The following RAD9A variants were observed in gnomAD, a reference collection of about 807,000 sequenced individuals.
RAD9A encodes RAD9 checkpoint clamp component A.
RAD9A carries 25 observed loss-of-function variants against 41.2 expected under a neutral mutation model. That is an observed-to-expected ratio of 0.61 (90% confidence interval 0.44 to 0.85). RAD9A has a LOEUF of 0.85. Among genes scored for constraint, RAD9A ranks in the 40% least tolerant of loss-of-function variants. The probability of loss-of-function intolerance (pLI) is 0.00; values close to 1 mark genes in which losing one functional copy is unlikely to be tolerated. For missense variants in RAD9A, 514 were observed against 518.3 expected, an observed-to-expected ratio of 0.99 and a Z score of 0.08; for synonymous variants, 252 against 210.6, an observed-to-expected ratio of 1.20 and a Z score of -1.70.
At chr11:67,392,978 A>C (rs1862574098) in intron 3 of RAD9A, 196 bp downstream of exon 3, 11 of 834,240 alleles carry the variant, frequency 1.3e-5, no homozygotes, top group Non-Finnish European at 1.8e-5. Flanking sequence ...CAAGTTCGTC[A>C]AGAAAGGTAA....
rs375926972 is a variant in RAD9A, at chr11:67,393,790, G to A, written c.449G>A (p.Arg150Gln). 20 of 1,600,778 alleles carry A rather than the reference G, an allele frequency of 1.2e-5. No individual in the cohort carries two copies. The South Asian group carries it at 1.7e-4, about 13-fold the overall frequency. The part of the protein sequence containing the change: ...SCPHMLRAPA[R>Q]VLGEAVLPFS... ...CCCCACATGCTCCGCGCCCCAGCACGGTGAGCACACCCCTGCCCTCAGCTC... is the reference window on the plus strand; with the variant it reads ...CCCCACATGCTCCGCGCCCCAGCACAGTGAGCACACCCCTGCCCTCAGCTC... The change falls in exon 5 of 11, where the codon CGG becomes CAG. Residue 150 changes from arginine to glutamine, a missense_variant and splice_region_variant. Arg to Gln is a conservative substitution (Grantham distance 43, BLOSUM62 1). Coordinates refer to ENST00000307980, the MANE Select transcript of RAD9A (RefSeq NM_004584.3).
intron 5 of RAD9A, among the ~76,000 whole-genome samples, chr11:67,394,188 C>T (rs1446003773): frequency 6.6e-6 from 1 of 152,232 alleles, no homozygotes; most frequent in African/African-American, 2.4e-5. Flanking sequence ...GCTCAGACCC[C>T]TTCTCCGGCC....
intron 5 of RAD9A, among the ~76,000 whole-genome samples, chr11:67,394,657 C>T (rs1311430759): frequency 2.0e-5 from 3 of 149,876 alleles, no homozygotes; most frequent in South Asian, 4.2e-4. Context: ...GAGTTTCGCT[C>T]TTGTTGCCCA....
rs763204036 is a variant in RAD9A at position 67,392,053 on chromosome 11, C to G, written c.9C>G (p.Cys3Trp). ...CGGAGCGCTGGGGCAGCATGAAGTG[C>G]CTGGTCACGGGCGGCAACGTGAAGG... Reference protein sequence around the residue: MKCLVTGGNVKVL... With the variant: MKWLVTGGNVKVL... Residue 3 changes from cysteine (C) to tryptophan (W), a missense_variant, in exon 1 of 11, where the codon TGC becomes TGG. Coordinates refer to ENST00000307980, the MANE Select transcript of RAD9A (RefSeq NM_004584.3). 4 of 1,578,200 alleles carry G rather than the reference C, an allele frequency of 2.5e-6. No individual in the cohort carries two copies. Among genetic ancestry groups the G allele is most frequent in the Non-Finnish European group, 3.4e-6 (4 of 1,164,152 alleles).
At position 67,397,772 on chromosome 11, in the gene RAD9A, A is replaced by G. The variant is rs1300621845; in HGVS notation, c.*213A>G. On this transcript the variant is annotated 3_prime_UTR_variant, in exon 11 of 11. Coordinates refer to ENST00000307980, the MANE Select transcript of RAD9A (RefSeq NM_004584.3). ...GTTATCTCCCCACAACCCCCAGCCA[A>G]TCAGGACTTTCCAGACTTGGCCCTG... 1 of 570,402 alleles carries G rather than the reference A, an allele frequency of 1.8e-6. No individual in the cohort carries two copies. The highest frequency in any genetic ancestry group is 3.1e-6 in the Non-Finnish European group (1 of 322,100). 35.3% of individuals were successfully genotyped at this position (570,402 alleles called of 1,614,324 possible). A position where few individuals can be genotyped will look rare whatever the true frequency, so the allele number is the denominator to read the frequency against.
rs768924500 is a variant in RAD9A, at chr11:67,392,244, G to A, written c.105+13G>A. On this transcript the variant is annotated intron_variant, in intron 2 of 10. Coordinates refer to ENST00000307980, the MANE Select transcript of RAD9A (RefSeq NM_004584.3). ...CTTGGAGGACGGGGTGAGGGGCTAG[G>A]GTGTGGGGGGCGGGTGGGACTCCAG... 4 of 1,551,638 alleles carry A rather than the reference G, an allele frequency of 2.6e-6. No homozygotes were observed. Among genetic ancestry groups the A allele is most frequent in the Non-Finnish European group, 3.5e-6 (4 of 1,134,060 alleles).
intron 5 of RAD9A, 62 bp downstream of exon 5, chr11:67,393,852 AG>A (rs1862607542): frequency 1.5e-5 from 21 of 1,366,168 alleles, no homozygotes; most frequent in Non-Finnish European, 2.0e-5. Context: ...TGGGGCCCCA[AG>A]GGGTTGATTT....
In RAD9A at chr11:67,397,144, C is replaced by G. The variant is rs200593199; in HGVS notation, c.873-35C>G. On this transcript the variant is annotated intron_variant, in intron 9 of 10. Coordinates refer to ENST00000307980, the MANE Select transcript of RAD9A (RefSeq NM_004584.3). ...AGGTGGGGCCCTGCCTCTGCTCCCCCAGTCCCCTCCCTGATACTCCGATTC... is the reference window on the plus strand; with the variant it reads ...AGGTGGGGCCCTGCCTCTGCTCCCCGAGTCCCCTCCCTGATACTCCGATTC... The G allele has an allele frequency of 1.6e-5, 25 of 1,541,822 alleles. 1 individual carries two copies. In the Middle Eastern group the frequency reaches 2.0e-3, roughly 125 times the overall value.
At chr11:67,396,454 T>C in intron 9 of RAD9A, 54 bp downstream of exon 9, 1 of 1,587,214 alleles carries the variant, frequency 6.3e-7, no homozygotes, top group Non-Finnish European at 8.6e-7. Flanking sequence ...CACTCCAGCC[T>C]GAGACTGCAA....
chr11:67,396,984 G>T (rs560178110), intron 9 of RAD9A, among the ~76,000 whole-genome samples, 195 bp from the exon 10 acceptor site: 4 of 152,146 alleles, frequency 2.6e-5, no homozygotes, highest in Non-Finnish European at 5.9e-5. Context: ...TCTGATCAAA[G>T]AGATTCCTGG....
Position 67,398,336 on chromosome 11 carries a change from C to T in RAD9A, c.*777C>T, listed in dbSNP as rs936044110. ...GCCCCAGGATCCTGCTCACAGTCAC[C>T]GCAGGTGCAGGCAGGAAGCAGCCCT... On this transcript the variant is annotated 3_prime_UTR_variant, in exon 11 of 11. Coordinates refer to ENST00000307980, the MANE Select transcript of RAD9A (RefSeq NM_004584.3). 52 of 616,912 alleles carry T rather than the reference C, an allele frequency of 8.4e-5. No homozygotes were observed. Among genetic ancestry groups the T allele is most frequent in the African/African-American group, 5.4e-4 (29 of 54,052 alleles). 38.2% of individuals were successfully genotyped at this position (616,912 alleles called of 1,614,324 possible). A position where few individuals can be genotyped will look rare whatever the true frequency, so the allele number is the denominator to read the frequency against.
At chr11:67,395,685 C>A in intron 5 of RAD9A, 31 bp from the exon 6 acceptor site, 1 of 1,526,614 alleles carries the variant, frequency 6.6e-7, no homozygotes, top group Non-Finnish European at 8.9e-7. Flanking sequence ...CAGGGCCAGG[C>A]ATTTCGGGTA....
In RAD9A at chr11:67,392,765, TGTAAGATCCTGATGAA is replaced by T; in HGVS notation, c.219_234del (p.Lys74LeufsTer23). 6.2e-7 allele frequency: 1 copy of T among 1,614,038 alleles called. No individual in the cohort carries two copies. Among genetic ancestry groups the T allele is most frequent in the East Asian group, 2.2e-5 (1 of 44,866 alleles). ...CACCCCTGGTCAGGACCTGCTGCGC[TGTAAGATCCTGATGAA>T]GGTGAGGCCCTTCCCTCAGCAGTGG... On this transcript the variant is annotated frameshift_variant and splice_region_variant, in exon 3 of 11. Transcript: ENST00000307980. LOFTEE classifies it high-confidence loss of function.
rs1422895029 is a variant in RAD9A, at chr11:67,392,791, C to T, written c.234+9C>T. 2 of 1,613,760 alleles carry T rather than the reference C, an allele frequency of 1.2e-6. No individual in the cohort carries two copies. Among genetic ancestry groups the T allele is most frequent in the Non-Finnish European group, 1.7e-6 (2 of 1,179,798 alleles). ...GTAAGATCCTGATGAAGGTGAGGCCCTTCCCTCAGCAGTGGCACTACTCCA... is the reference window on the plus strand; with the variant it reads ...GTAAGATCCTGATGAAGGTGAGGCCTTTCCCTCAGCAGTGGCACTACTCCA... On this transcript the variant is annotated intron_variant, in intron 3 of 10. Transcript: ENST00000307980.
intron 2 of RAD9A, 23 bp downstream of exon 2, chr11:67,392,254 G>A: frequency 2.0e-6 from 3 of 1,500,954 alleles, no homozygotes; most frequent in Non-Finnish European, 2.7e-6. Context: ...GGTGTGGGGG[G>A]CGGGTGGGAC....
chr11:67,392,259 T>TGGGGGGTTGGGTGGGGGGGGGGGGGG, intron 2 of RAD9A, 28 bp downstream of exon 2: 1 of 484,302 alleles, frequency 2.1e-6, no homozygotes, highest in Non-Finnish European at 4.1e-6. Flanking sequence ...GGGGGGCGGG[T>TGGGGGGTTGGGTGGGGGGGGGGGGGG]GGGACTCCAG....
chr11:67,395,641 C>A, intron 5 of RAD9A, 75 bp from the exon 6 acceptor site: 1 of 1,173,038 alleles, frequency 8.5e-7, no homozygotes, highest in Non-Finnish European at 1.2e-6. Context: ...ATGTGTCACC[C>A]CCACCTCAGG....
In RAD9A at chr11:67,395,657, C is replaced by T. The variant is rs188333415; in HGVS notation, c.450-59C>T. On this transcript the variant is annotated intron_variant, in intron 5 of 10. Transcript: ENST00000307980. ...TGTGTCACCCCCACCTCAGGTCCTCCGAGAGCAAAGCCCTGGGCAGGGCCA... is the reference window on the plus strand; with the variant it reads ...TGTGTCACCCCCACCTCAGGTCCTCTGAGAGCAAAGCCCTGGGCAGGGCCA... 1.2e-4 allele frequency: 164 copies of T among 1,385,482 alleles called. 1 individual carries two copies. The highest frequency in any genetic ancestry group is 7.5e-4 in the African/African-American group (52 of 69,292). The allele number at this position is 1,385,482 out of a possible 1,614,324, so 85.8% of individuals were successfully genotyped here. A position where few individuals can be genotyped will look rare whatever the true frequency, so the allele number is the denominator to read the frequency against.
chr11:67,392,248 T>TGGGGGTTGGGGGG lies in RAD9A; in HGVS notation c.105+22_105+23insTTGGGGGGGGGGG. Reference sequence around the variant, plus strand: ...GAGGACGGGGTGAGGGGCTAGGGTGTGGGGGGCGGGTGGGACTCCAGCCGG... The same window carrying TGGGGGTTGGGGGG: ...GAGGACGGGGTGAGGGGCTAGGGTGTGGGGGTTGGGGGGGGGGGGCGGGTGGGACTCCAGCCGG... On this transcript the variant is annotated intron_variant, in intron 2 of 10. Coordinates refer to ENST00000307980, the MANE Select transcript of RAD9A (RefSeq NM_004584.3). 1 of 321,848 alleles carries TGGGGGTTGGGGGG rather than the reference T, an allele frequency of 3.1e-6. No individual in the cohort carries two copies. The allele number at this position is 321,848 out of a possible 1,614,324, so 19.9% of individuals were successfully genotyped here.
Sources: gnomAD v4.1 joint callset for allele counts (sites outside exome capture counted in the v4.1 genomes callset) on GRCh38, gnomAD v4.1.1 for gene constraint, MANE v1.5 for transcripts, NCBI Gene and HGNC (gene_info 2026-07-23, HGNC 2026-07-21) for gene names.